SIRT1: variants seen among roughly 807,000 people sequenced by gnomAD.
SIRT1 encodes NAD-dependent protein deacetylase sirtuin-1.
A neutral mutation model predicts 67.9 loss-of-function variants in SIRT1; 24 were observed. That is an observed-to-expected ratio of 0.35 (90% CI 0.26 to 0.50). SIRT1 has a LOEUF of 0.50. Among genes scored for constraint, SIRT1 ranks in the 20% least tolerant of loss-of-function variants. SIRT1 has a pLI of 0.98. For synonymous variants in SIRT1, 378 were observed against 350.7 expected, an observed-to-expected ratio of 1.08 and a Z score of -0.87; for missense variants, 873 against 937.2, an observed-to-expected ratio of 0.93 and a Z score of 0.89.
In SIRT1 at chr10:67,916,528, A is replaced by AT; in HGVS notation, c.2181dup (p.Asn728Ter). ...GACTGATGGAGATGATCAAGAGGCAATTAATGAAGCTATATCTGTGAAACA... is the reference window on the plus strand; with the variant it reads ...GACTGATGGAGATGATCAAGAGGCAATTTAATGAAGCTATATCTGTGAAACA... On this transcript the variant is annotated frameshift_variant, in exon 9 of 9. Coordinates refer to ENST00000212015, the MANE Select transcript of SIRT1 (RefSeq NM_012238.5). LOFTEE classifies it high-confidence loss of function. 6.2e-7 allele frequency: 1 copy of AT among 1,614,198 alleles called. No homozygotes were observed. Among genetic ancestry groups the AT allele is most frequent in the Non-Finnish European group, 8.5e-7 (1 of 1,180,042 alleles).
intron 3 of SIRT1, among the ~76,000 whole-genome samples, chr10:67,890,760 G>T (rs1225298519): frequency 6.6e-6 from 1 of 151,668 alleles, no homozygotes; most frequent in African/African-American, 2.4e-5. Context: ...GCCGGGCGCG[G>T]TGGCTCACAC....
chr10:67,913,559 A>G (rs941991800), intron 8 of SIRT1, among the ~76,000 whole-genome samples: 1 of 152,214 alleles, frequency 6.6e-6, no homozygotes, highest in Non-Finnish European at 1.5e-5. Context: ...TAGAAAAAAC[A>G]CGCGTGATTC....
chr10:67,906,317 C>A, intron 4 of SIRT1: 1 of 1,550,562 alleles, frequency 6.4e-7, no homozygotes, highest in Non-Finnish European at 8.7e-7. Flanking sequence ...CTTTAAACTT[C>A]CAGCAGGTTG....
intron 1 of SIRT1, 92 bp downstream of exon 1, chr10:67,885,243 G>A (rs940931849): frequency 2.4e-6 from 3 of 1,257,210 alleles, no homozygotes; most frequent in South Asian, 6.3e-5. Context: ...CTGGGGGCTC[G>A]GGGCAGGCTC....
chr10:67,905,176 A>G lies in SIRT1; in HGVS notation c.943-1614A>G, dbSNP rs16924934. Among the ~76,000 whole-genome samples, 1,552 of 152,284 alleles carry G rather than the reference A, an allele frequency of 0.01. 78 individuals carry two copies. In the East Asian group the frequency reaches 0.16, roughly 15 times the overall value. On this transcript the variant is annotated intron_variant, in intron 4 of 8. Coordinates refer to ENST00000212015, the MANE Select transcript of SIRT1 (RefSeq NM_012238.5). ...AGCATATTCTCATAGTGCCTAAAAT[A>G]CTCTAAAAGCTATTTCCAGAGGGAG...
At chr10:67,902,163 A>G (rs1842754982) in intron 4 of SIRT1, among the ~76,000 whole-genome samples, 2 of 151,664 alleles carry the variant, frequency 1.3e-5, no homozygotes, top group South Asian at 4.2e-4. Context: ...TAGTTATTGT[A>G]TTTTTAGTAA....
chr10:67,907,506 A>AG (rs1564891452), intron 5 of SIRT1, among the ~76,000 whole-genome samples: 1 of 148,044 alleles, frequency 6.8e-6, no homozygotes, highest in Admixed American at 6.8e-5. Context: ...AAAAAAAAAA[A>AG]AAGAAAAAGA....
In SIRT1 at chr10:67,912,396, G is replaced by A. The variant is rs1175526557; in HGVS notation, c.1358-78G>A. On this transcript the variant is annotated intron_variant, in intron 7 of 8. Transcript: ENST00000212015. Reference sequence around the variant, plus strand: ...GAGCTCAAGCCCTTGTTGGATTTTTGCATAATGTATCTGTTGTGGTTTTAT... The same window carrying A: ...GAGCTCAAGCCCTTGTTGGATTTTTACATAATGTATCTGTTGTGGTTTTAT... The A allele has an allele frequency of 4.6e-6, 6 of 1,310,130 alleles. No homozygotes were observed. The African/African-American group carries it at 8.9e-5, about 19-fold the overall frequency. 81.2% of individuals were successfully genotyped at this position (1,310,130 alleles called of 1,614,324 possible). A position where few individuals can be genotyped will look rare whatever the true frequency, so the allele number is the denominator to read the frequency against.
intron 4 of SIRT1, among the ~76,000 whole-genome samples, chr10:67,898,264 A>AAAAAAAAAAGAAAAG (rs1235333269): frequency 2.0e-5 from 3 of 151,150 alleles, no homozygotes; most frequent in Admixed American, 2.0e-4. Flanking sequence ...GTCTCAAAAA[A>AAAAAAAAAAGAAAAG]AAAAAAAAAG....
At chr10:67,911,604 TCCCTCCCC>T (rs1432720996) in intron 7 of SIRT1, among the ~76,000 whole-genome samples, 3 of 135,446 alleles carry the variant, frequency 2.2e-5, no homozygotes, top group Non-Finnish European at 3.2e-5. Context: ...TATGACTTTT[TCCCTCCCC>T]CCCTCCCCTC....
At chr10:67,906,186 T>C in intron 4 of SIRT1, 1 of 1,427,638 alleles carries the variant, frequency 7.0e-7, no homozygotes, top group African/African-American at 1.5e-5. Flanking sequence ...GAAGCATTAT[T>C]TGGGGGGAAA....
At position 67,912,870 on chromosome 10, in the gene SIRT1, C is replaced by G. The variant is rs748473217; in HGVS notation, c.1754C>G (p.Ser585Cys). 2.5e-6 allele frequency: 4 copies of G among 1,613,980 alleles called. No homozygotes were observed. Among genetic ancestry groups the G allele is most frequent in the African/African-American group, 1.3e-5 (1 of 74,888 alleles). The change falls in exon 8 of 9, where the codon TCT becomes TGT. Residue 585 changes from serine to cysteine, a missense_variant. Physicochemically the swap from Ser to Cys is moderately radical, Grantham distance 112 (BLOSUM62 -1). Around this residue, in one of 3 missense-constraint regions of SIRT1, gnomAD observed 295 missense variants for 294.5 expected, o/e 1.00. Coordinates refer to ENST00000212015, the MANE Select transcript of SIRT1 (RefSeq NM_012238.5). ...GAAAAACCACAGGAAGTACAAACTT[C>G]TAGGAATGTTGAAAGTATTGCTGAA... is the stretch of plus-strand genomic sequence containing the variant. ...MEEKPQEVQT[S>C]RNVESIAEQM...
At chr10:67,904,894 A>G (rs1157799818) in intron 4 of SIRT1, among the ~76,000 whole-genome samples, 4 of 151,604 alleles carry the variant, frequency 2.6e-5, no homozygotes, top group African/African-American at 9.7e-5. Context: ...AATGTCCCTT[A>G]TGATTTGTCT....
chr10:67,911,638 T>G (rs1842900482), intron 7 of SIRT1, among the ~76,000 whole-genome samples: 1 of 101,900 alleles, frequency 9.8e-6, no homozygotes, highest in Non-Finnish European at 1.8e-5. Flanking sequence ...CTCCCTTCCG[T>G]TTGTCCTTCC....
At chr10:67,898,697 C>T (rs963996311) in intron 4 of SIRT1, among the ~76,000 whole-genome samples, 2 of 151,906 alleles carry the variant, frequency 1.3e-5, no homozygotes, top group Non-Finnish European at 2.9e-5. Context: ...TTTGCTGGGC[C>T]CAGTGGCTTG....
chr10:67,895,773 C>T (rs796690462), intron 4 of SIRT1, among the ~76,000 whole-genome samples: 186 of 41,092 alleles, frequency 4.5e-3, no homozygotes, highest in Middle Eastern at 0.022. Context: ...GACAGTTTTG[C>T]TCTTGTCACC....
intron 2 of SIRT1, among the ~76,000 whole-genome samples, chr10:67,888,033 T>G (rs936403219): frequency 7.2e-5 from 11 of 152,254 alleles, no homozygotes; most frequent in Non-Finnish European, 1.5e-4. Flanking sequence ...GTCTAGAATA[T>G]AAGTTCTACG....
At chr10:67,906,300 A>G (rs1363401051) in intron 4 of SIRT1, 2 of 1,567,916 alleles carry the variant, frequency 1.3e-6, no homozygotes, top group Non-Finnish European at 1.7e-6. Flanking sequence ...AAGGATTAAA[A>G]CTTTAGCTTT....
At chr10:67,888,421 G>A (rs1842519700) in intron 2 of SIRT1, among the ~76,000 whole-genome samples, 1 of 152,118 alleles carries the variant, frequency 6.6e-6, no homozygotes, top group Admixed American at 6.6e-5. Flanking sequence ...CTTGGAAGAT[G>A]GGTTAAGATC....
Sources: allele counts gnomAD v4.1 joint callset (sites outside exome capture counted in the v4.1 genomes callset), GRCh38; gene constraint gnomAD v4.1.1; regional missense constraint gnomAD v4.1.1; transcripts MANE v1.5; gene names NCBI Gene and HGNC (gene_info 2026-07-23, HGNC 2026-07-21).